EPN2: variants seen among roughly 807,000 people sequenced by gnomAD.
The protein encoded by EPN2 is epsin-2.
A neutral mutation model predicts 61.7 loss-of-function variants in EPN2; 34 were observed. The observed-to-expected ratio is 0.55, with a 90% CI of 0.42 to 0.73. EPN2 has a LOEUF of 0.73. EPN2 is among the 30% of genes least tolerant of loss of function. EPN2 has a pLI of 0.00. For missense variants in EPN2, 714 were observed against 839.2 expected (o/e 0.85, Z 1.84); for synonymous variants, 349 against 353.6 (o/e 0.99, Z 0.15).
intron 1 of EPN2, among the ~76,000 whole-genome samples, chr17:19,241,958 G>T (rs938831223): frequency 1.3e-5 from 2 of 152,144 alleles, no homozygotes; most frequent in Admixed American, 1.3e-4. Context: ...TTAAATAATA[G>T]AATAAATTTG....
chr17:19,257,287 C>T (rs2045090536), intron 1 of EPN2, among the ~76,000 whole-genome samples: 1 of 152,124 alleles, frequency 6.6e-6, no homozygotes, highest in East Asian at 1.9e-4. Context: ...TCAGGTCTAC[C>T]AAAACAGAAT....
chr17:19,276,985 G>C (rs2045313603), intron 1 of EPN2, among the ~76,000 whole-genome samples: 1 of 152,122 alleles, frequency 6.6e-6, no homozygotes, highest in African/African-American at 2.4e-5. Context: ...AGTTGCATTT[G>C]CATGTGCATT....
At chr17:19,239,449 G>T (rs557694306) in intron 1 of EPN2, among the ~76,000 whole-genome samples, 1 of 152,218 alleles carries the variant, frequency 6.6e-6, no homozygotes, top group African/African-American at 2.4e-5. Context: ...AACACTCCCG[G>T]CCTAAATCTT....
Position 19,312,108 on chromosome 17 carries a change from C to T in EPN2, c.936C>T (p.Ser312=). ...GATTACAGATGGCCCTGGAAGAAAG[C>T]CGAAGGGACACAGTTAAAATTCCAA... The part of the protein sequence containing the change: ...DLRLQMALEE[S]RRDTVKIPKK... Residue 312 remains serine, a synonymous_variant, in exon 6 of 11, where the codon AGC becomes AGT. Coordinates refer to ENST00000314728, the MANE Select transcript of EPN2 (RefSeq NM_014964.5). 6.2e-7 allele frequency: 1 copy of T among 1,614,048 alleles called. No individual in the cohort carries two copies. The highest frequency in any genetic ancestry group is 1.1e-5 in the South Asian group (1 of 91,088).
chr17:19,322,449 A>G (rs574336956), intron 7 of EPN2, among the ~76,000 whole-genome samples: 1 of 152,272 alleles, frequency 6.6e-6, no homozygotes, highest in African/African-American at 2.4e-5. Context: ...GGCCACCAAG[A>G]TAGTGGCTGG....
At chr17:19,263,910 C>T (rs1009333650) in intron 1 of EPN2, among the ~76,000 whole-genome samples, 1 of 148,296 alleles carries the variant, frequency 6.7e-6, no homozygotes, top group Non-Finnish European at 1.5e-5. Flanking sequence ...GGGGCTGGAG[C>T]GAGAAGGGGG....
intron 4 of EPN2, among the ~76,000 whole-genome samples, chr17:19,297,638 T>C (rs2045533512): frequency 6.6e-6 from 1 of 152,128 alleles, no homozygotes; most frequent in Admixed American, 6.5e-5. Flanking sequence ...GGCTGTAAAC[T>C]ATGGAGCTGC....
chr17:19,313,264 C>G lies in EPN2; in HGVS notation c.1132C>G (p.Pro378Ala), dbSNP rs763141070. The G allele has an allele frequency of 6.5e-7, 1 of 1,547,092 alleles. No homozygotes were observed. Among genetic ancestry groups the G allele is most frequent in the Non-Finnish European group, 8.7e-7 (1 of 1,151,156 alleles). ...GPAAPASTSD[P>A]WPSFGTKPAA... The stretch of plus-strand genomic sequence containing the variant: ...AGCGGCTCCTGCGAGTACTTCAGAC[C>G]CCTGGCCATCGTTTGGTAAAGACCC... The change falls in exon 7 of 11, where the codon CCC (proline) becomes GCC (alanine). Residue 378 changes from proline (P) to alanine (A), a missense_variant. Physicochemically the swap from Pro to Ala is conservative, Grantham distance 27. Coordinates refer to ENST00000314728, the MANE Select transcript of EPN2 (RefSeq NM_014964.5).
At chr17:19,246,767 CT>C (rs377094702) in intron 1 of EPN2, among the ~76,000 whole-genome samples, 3,390 of 109,534 alleles carry the variant, frequency 0.031, 138 homozygotes, top group East Asian at 0.25. Flanking sequence ...CCCTGTGTGC[CT>C]TTTTTTTTTT....
intron 1 of EPN2, chr17:19,276,360 A>ATTTTTTTTTTTT (rs140536354): frequency 1.8e-4 from 14 of 79,970 alleles, no homozygotes; most frequent in African/African-American, 4.2e-4. Context: ...GCTAATTAAA[A>ATTTTTTTTTTTT]TTTTTTTTTT....
chr17:19,286,443 C>G (rs529454581), intron 4 of EPN2, among the ~76,000 whole-genome samples: 9 of 152,244 alleles, frequency 5.9e-5, no homozygotes, highest in African/African-American at 2.2e-4. Flanking sequence ...AATAATGTAT[C>G]CTGATCAGAG....
chr17:19,258,696 C>T (rs1357187214), intron 1 of EPN2, among the ~76,000 whole-genome samples: 1 of 152,174 alleles, frequency 6.6e-6, no homozygotes, highest in East Asian at 1.9e-4. Flanking sequence ...TAGTAATTTC[C>T]TTCTGGGGGC....
intron 1 of EPN2, among the ~76,000 whole-genome samples, chr17:19,248,657 T>C (rs8078089): frequency 0.028 from 4,273 of 152,318 alleles, 313 homozygotes; most frequent in South Asian, 0.17. Context: ...GTCCACTTCA[T>C]TTATTCTTTA....
intron 7 of EPN2, among the ~76,000 whole-genome samples, chr17:19,323,018 T>C (rs912021018): frequency 3.9e-5 from 6 of 152,184 alleles, no homozygotes; most frequent in African/African-American, 1.2e-4. Flanking sequence ...TCTTCTGAGA[T>C]TGACACATCA....
At chr17:19,270,591 C>T (rs765035666) in intron 1 of EPN2, among the ~76,000 whole-genome samples, 36 of 152,180 alleles carry the variant, frequency 2.4e-4, no homozygotes, top group Middle Eastern at 3.2e-3. Context: ...ATTTGCCAGT[C>T]GTACTCTTAC....
chr17:19,295,395 A>G (rs995330022), intron 4 of EPN2, among the ~76,000 whole-genome samples: 2 of 149,902 alleles, frequency 1.3e-5, no homozygotes, highest in East Asian at 2.0e-4. Context: ...AGCCAGGTGT[A>G]GTGGTGCATG....
chr17:19,261,248 G>A (rs1347630876), intron 1 of EPN2, among the ~76,000 whole-genome samples: 3 of 152,174 alleles, frequency 2.0e-5, no homozygotes, highest in African/African-American at 7.2e-5. Context: ...CCACTGACTC[G>A]TCAACACAAG....
intron 10 of EPN2, among the ~76,000 whole-genome samples, chr17:19,333,596 C>T (rs1337874730): frequency 6.6e-6 from 1 of 152,160 alleles, no homozygotes; most frequent in African/African-American, 2.4e-5. Flanking sequence ...TCCCATGTCC[C>T]TTTCAGCAAA....
At chr17:19,257,869 ATGACCTCTG>A (rs2045098766) in intron 1 of EPN2, 1 of 152,108 alleles carries the variant, frequency 6.6e-6, no homozygotes, top group African/African-American at 2.4e-5. Context: ...AGGGGTCTTT[ATGACCTCTG>A]TAGCCATCAT....
Sources: gnomAD v4.1 joint callset for allele counts (sites outside exome capture counted in the v4.1 genomes callset) on GRCh38, gnomAD v4.1.1 for gene constraint, MANE v1.5 for transcripts, NCBI Gene and HGNC (gene_info 2026-07-23, HGNC 2026-07-21) for gene names.